Variants in ERC2 observed in about 807,000 individuals in gnomAD.
ERC2 encodes the protein ERC protein 2.
A neutral mutation model predicts 114.8 loss-of-function variants in ERC2; 42 were observed. The ratio of observed to expected loss-of-function variants is 0.37; its 90% CI spans 0.29 to 0.47. The LOEUF (loss-of-function observed/expected upper bound fraction) is 0.47, where lower values mean the gene tolerates loss of function less well. Among genes scored for constraint, ERC2 ranks in the 20% least tolerant of loss-of-function variants. The pLI is 0.99. For missense variants in ERC2, 939 were observed against 1,150.7 expected, an observed-to-expected ratio of 0.82 and a Z score of 2.66; for synonymous variants, 454 against 425.5, an observed-to-expected ratio of 1.07 and a Z score of -0.82.
chr3:56,381,175 G>GA (rs1263357724), intron 2 of ERC2, among the ~76,000 whole-genome samples: 2 of 152,020 alleles, frequency 1.3e-5, no homozygotes, highest in Non-Finnish European at 2.9e-5. Context: ...ACTTTTTAAA[G>GA]AAAAAAATGG....
At chr3:56,466,755 T>C (rs2063561060) in intron 1 of ERC2, among the ~76,000 whole-genome samples, 1 of 152,100 alleles carries the variant, frequency 6.6e-6, no homozygotes. Flanking sequence ...TATAAATCCA[T>C]CCAGTAGAGC....
At chr3:56,013,993 G>A (rs1246169115) in intron 8 of ERC2, among the ~76,000 whole-genome samples, 2 of 152,150 alleles carry the variant, frequency 1.3e-5, no homozygotes, top group South Asian at 2.1e-4. Context: ...CTATCCAACG[G>A]TTTTATCTGT....
At chr3:55,699,766 A>C (rs1034038384) in intron 15 of ERC2, among the ~76,000 whole-genome samples, 6 of 152,144 alleles carry the variant, frequency 3.9e-5, no homozygotes, top group African/African-American at 1.2e-4. Flanking sequence ...TTTAAAAGGG[A>C]AAAAATGGAC....
At chr3:55,869,767 G>A (rs62256773) in intron 14 of ERC2, among the ~76,000 whole-genome samples, 14,657 of 152,208 alleles carry the variant, frequency 0.096, 795 homozygotes, top group South Asian at 0.17. Flanking sequence ...ACTAGGGCCA[G>A]ATGCAGCACC....
chr3:55,811,186 G>T (rs1428772474), intron 14 of ERC2, among the ~76,000 whole-genome samples: 2 of 151,958 alleles, frequency 1.3e-5, no homozygotes, highest in Non-Finnish European at 2.9e-5. Context: ...CATGGCTAGG[G>T]GCCACCATAT....
At chr3:56,414,965 C>T (rs1027113091) in intron 2 of ERC2, among the ~76,000 whole-genome samples, 3 of 152,222 alleles carry the variant, frequency 2.0e-5, no homozygotes, top group African/African-American at 4.8e-5. Flanking sequence ...CAATGTCCTA[C>T]GTAAGGTAAG....
chr3:55,549,548 A>G (rs1387219953), intron 17 of ERC2, among the ~76,000 whole-genome samples: 1 of 137,302 alleles, frequency 7.3e-6, no homozygotes, highest in East Asian at 2.2e-4. Context: ...GGGCTCTGAT[A>G]TCAATAAACT....
intron 12 of ERC2, among the ~76,000 whole-genome samples, chr3:55,980,279 C>A (rs1559967785): frequency 6.6e-6 from 1 of 151,664 alleles, no homozygotes; most frequent in African/African-American, 2.4e-5. Context: ...AAATCCTCCA[C>A]AAAAAAAATG....
intron 2 of ERC2, among the ~76,000 whole-genome samples, chr3:56,327,481 C>T (rs909539408): frequency 5.3e-5 from 8 of 152,120 alleles, no homozygotes; most frequent in African/African-American, 1.9e-4. Context: ...CAAAGCCTAA[C>T]CATATCACAC....
At chr3:56,259,989 A>G (rs2052806851) in intron 3 of ERC2, among the ~76,000 whole-genome samples, 1 of 152,218 alleles carries the variant, frequency 6.6e-6, no homozygotes, top group African/African-American at 2.4e-5. Flanking sequence ...CAGGGCCAGC[A>G]GCACCCAGCA....
At chr3:56,176,187 C>T (rs2082966049) in intron 3 of ERC2, among the ~76,000 whole-genome samples, 1 of 152,144 alleles carries the variant, frequency 6.6e-6, no homozygotes, top group Admixed American at 6.5e-5. Flanking sequence ...GCATCAAAAT[C>T]ATCTTATTAA....
intron 3 of ERC2, among the ~76,000 whole-genome samples, chr3:56,285,273 G>A (rs908401977): frequency 1.3e-5 from 2 of 151,878 alleles, no homozygotes; most frequent in African/African-American, 4.8e-5. Context: ...CAGCAGAACG[G>A]ATGGGTCACT....
At chr3:56,087,350 C>A (rs1351080958) in intron 6 of ERC2, among the ~76,000 whole-genome samples, 1 of 152,046 alleles carries the variant, frequency 6.6e-6, no homozygotes. Context: ...AAAACGTTGC[C>A]AAAATCAGAG....
At chr3:56,026,474 G>A (rs1011086759) in intron 7 of ERC2, among the ~76,000 whole-genome samples, 2 of 152,110 alleles carry the variant, frequency 1.3e-5, no homozygotes, top group African/African-American at 4.8e-5. Context: ...GCTGTCTCCA[G>A]TCAAAAAGCA....
chr3:55,683,905 A>G (rs1321902605), intron 16 of ERC2, 46 bp from the exon 17 acceptor site: 3 of 1,597,288 alleles, frequency 1.9e-6, no homozygotes, highest in Non-Finnish European at 2.6e-6. Flanking sequence ...GGAGGGGAGC[A>G]CCAGAATGAA....
intron 7 of ERC2, among the ~76,000 whole-genome samples, chr3:56,022,027 G>A (rs371154821): frequency 1.3e-5 from 2 of 152,062 alleles, no homozygotes. Context: ...GTGCTGCAAC[G>A]AACATTCACA....
chr3:56,190,274 C>T (rs750006579), intron 3 of ERC2, among the ~76,000 whole-genome samples: 9 of 152,170 alleles, frequency 5.9e-5, no homozygotes, highest in East Asian at 1.9e-4. Context: ...AAACCTTGGG[C>T]AGGGTGCTAG....
At chr3:55,801,697 C>T (rs910968650) in intron 14 of ERC2, among the ~76,000 whole-genome samples, 25 of 152,206 alleles carry the variant, frequency 1.6e-4, no homozygotes, top group East Asian at 1.9e-4. Flanking sequence ...GGAAGTAGGA[C>T]TGGCTATAAT....
intron 14 of ERC2, among the ~76,000 whole-genome samples, chr3:55,871,325 A>T (rs2062574169): frequency 6.6e-6 from 1 of 152,206 alleles, no homozygotes; most frequent in South Asian, 2.1e-4. Context: ...CCAATAAAAC[A>T]GGTGGTTTTG....
Sources: allele counts gnomAD v4.1 joint callset (sites outside exome capture counted in the v4.1 genomes callset), GRCh38; gene constraint gnomAD v4.1.1; transcripts MANE v1.5; gene names NCBI Gene and HGNC (gene_info 2026-07-23, HGNC 2026-07-21).